CLIP1: variants seen among roughly 807,000 people sequenced by gnomAD.
CLIP1 encodes the protein CAP-Gly domain containing linker protein 1.
Under a neutral mutation model 161.6 loss-of-function variants are expected in CLIP1, and 66 were observed. The ratio of observed to expected loss-of-function variants is 0.41; its 90% CI spans 0.33 to 0.50. The LOEUF (loss-of-function observed/expected upper bound fraction) is 0.50, where lower values mean the gene tolerates loss of function less well. CLIP1 is among the 20% of genes least tolerant of loss of function. CLIP1 has a pLI of 0.27. For synonymous variants in CLIP1, 598 were observed against 626.2 expected, an observed-to-expected ratio of 0.96 and a Z score of 0.67; for missense variants, 1,376 against 1,702.0, an observed-to-expected ratio of 0.81 and a Z score of 3.37.
At chr12:122,308,957 A>T (rs1025376198) in intron 20 of CLIP1, among the ~76,000 whole-genome samples, 2 of 152,156 alleles carry the variant, frequency 1.3e-5, no homozygotes, top group Non-Finnish European at 2.9e-5. Context: ...GGGAAAAAAA[A>T]TTTTTTCCCC....
chr12:122,410,312 T>C (rs534075698), intron 1 of CLIP1, among the ~76,000 whole-genome samples: 3 of 152,300 alleles, frequency 2.0e-5, no homozygotes, highest in East Asian at 1.9e-4. Context: ...CTGCTAAATA[T>C]AGAAACTAAA....
At chr12:122,397,023 C>T (rs963300701) in intron 1 of CLIP1, among the ~76,000 whole-genome samples, 9 of 149,040 alleles carry the variant, frequency 6.0e-5, no homozygotes, top group Non-Finnish European at 8.9e-5. Context: ...AAGCGATCCA[C>T]CAACCTTGGC....
intron 1 of CLIP1, among the ~76,000 whole-genome samples, chr12:122,388,142 C>T (rs1955406606): frequency 6.6e-6 from 1 of 152,040 alleles, no homozygotes; most frequent in African/African-American, 2.4e-5. Context: ...TCAAAATGTA[C>T]AGAATCGGCA....
chr12:122,382,639 G>C (rs1955059971), intron 1 of CLIP1, among the ~76,000 whole-genome samples: 2 of 152,072 alleles, frequency 1.3e-5, no homozygotes, highest in Admixed American at 1.3e-4. Flanking sequence ...CCAGGAGGCA[G>C]AGGCTGCAGT....
chr12:122,276,167 G>A (rs950124135), intron 24 of CLIP1, among the ~76,000 whole-genome samples: 2 of 151,788 alleles, frequency 1.3e-5, no homozygotes, highest in Non-Finnish European at 2.9e-5. Context: ...GAAATATTTG[G>A]TCTTTTTCTC....
chr12:122,387,590 A>ATATTTT (rs1955380250), intron 1 of CLIP1, among the ~76,000 whole-genome samples: 5 of 6,262 alleles, frequency 8.0e-4, no homozygotes, highest in African/African-American at 1.4e-3. Flanking sequence ...ATATATATAT[A>ATATTTT]TTTTTTTTTT....
chr12:122,336,865 A>C, intron 11 of CLIP1, 117 bp from the exon 12 acceptor site: 2 of 451,312 alleles, frequency 4.4e-6, no homozygotes, highest in East Asian at 3.4e-5. Flanking sequence ...ACAAAACTGA[A>C]AGGAATACAA....
At chr12:122,412,060 CTTTTTTTT>C (rs71082989) in intron 1 of CLIP1, among the ~76,000 whole-genome samples, 2 of 81,598 alleles carry the variant, frequency 2.5e-5, no homozygotes, top group Non-Finnish European at 4.7e-5. Context: ...CAGTTATTTT[CTTTTTTTT>C]TTTTTTTTTT....
chr12:122,405,230 T>A (rs997367166), intron 1 of CLIP1, among the ~76,000 whole-genome samples: 1 of 148,788 alleles, frequency 6.7e-6, no homozygotes, highest in South Asian at 2.1e-4. Context: ...CACTGCTGCA[T>A]GGCTCCTGTT....
chr12:122,361,250 G>T (rs1243285132), intron 4 of CLIP1, 69 bp from the exon 5 acceptor site: 1 of 1,323,002 alleles, frequency 7.6e-7, no homozygotes, highest in Non-Finnish European at 1.1e-6. Context: ...ATAACCAAAA[G>T]GTTCTCCCAA....
At chr12:122,308,105 AG>A (rs1950938968) in intron 20 of CLIP1, among the ~76,000 whole-genome samples, 1 of 152,216 alleles carries the variant, frequency 6.6e-6, no homozygotes, top group Non-Finnish European at 1.5e-5. Flanking sequence ...TAGGATGGAG[AG>A]GAGCCCAAGT....
rs1955405313 is a variant in CLIP1, at chr12:122,388,109, C to T, written c.-106-7551G>A. Among the ~76,000 whole-genome samples, 3 of 152,130 alleles carry T rather than the reference C, an allele frequency of 2.0e-5. No individual in the cohort carries two copies. The South Asian group carries it at 6.2e-4, about 32-fold the overall frequency. On this transcript the variant is annotated intron_variant, in intron 1 of 25. Coordinates refer to ENST00000620786, the MANE Select transcript of CLIP1 (RefSeq NM_001247997.2). ...ATTTCTATAAAGCAGTCATCAGAAG[C>T]ACTGGTTCTACAGCAGAGGTTCTCA...
chr12:122,278,608 G>C, intron 23 of CLIP1, 184 bp downstream of exon 23: 1 of 603,384 alleles, frequency 1.7e-6, no homozygotes, highest in Non-Finnish European at 2.8e-6. Context: ...CAGACCACAA[G>C]AAGCCCCAGG....
intron 20 of CLIP1, among the ~76,000 whole-genome samples, chr12:122,298,261 G>A (rs1163678363): frequency 2.6e-5 from 4 of 152,144 alleles, no homozygotes; most frequent in Non-Finnish European, 4.4e-5. Context: ...AAGACCACAT[G>A]CCTTAGGACT....
chr12:122,341,450 T>C lies in CLIP1; in HGVS notation c.1754A>G (p.Gln585Arg). 1 of 1,613,652 alleles carries C rather than the reference T, an allele frequency of 6.2e-7. No individual in the cohort carries two copies. The highest frequency in any genetic ancestry group is 8.5e-7 in the Non-Finnish European group (1 of 1,179,638). Residue 585 changes from glutamine to arginine, a missense_variant, in exon 11 of 26, where the codon CAG becomes CGG. This residue lies in a region of CLIP1 where 948 missense variants were observed against 1,134.8 expected (regional missense o/e 0.84). Coordinates refer to ENST00000620786, the MANE Select transcript of CLIP1 (RefSeq NM_001247997.2). Reference protein sequence around the residue: ...EHFGAREETHQKEIKALYTAT... With the variant: ...EHFGAREETHRKEIKALYTAT... ...GGTATACAGAGCCTTTATCTCCTTC[T>C]GATGAGTTTCTTCCCGGGCTCCAAA... is the stretch of plus-strand genomic sequence containing the variant.
intron 21 of CLIP1, among the ~76,000 whole-genome samples, chr12:122,285,827 C>T (rs1387820430): frequency 1.3e-5 from 2 of 151,660 alleles, no homozygotes; most frequent in South Asian, 2.1e-4. Flanking sequence ...TATTTTTTCA[C>T]GTGTCCTTGA....
chr12:122,313,352 G>A (rs1451167831), intron 19 of CLIP1, among the ~76,000 whole-genome samples: 6 of 152,190 alleles, frequency 3.9e-5, no homozygotes, highest in Non-Finnish European at 7.3e-5. Context: ...TGGGGTTAGC[G>A]TGACAGCAGC....
chr12:122,288,190 G>A (rs1955935933), intron 21 of CLIP1, among the ~76,000 whole-genome samples: 1 of 152,028 alleles, frequency 6.6e-6, no homozygotes, highest in Non-Finnish European at 1.5e-5. Flanking sequence ...CTGCCACTAT[G>A]CCTGGCTAAT....
intron 15 of CLIP1, among the ~76,000 whole-genome samples, chr12:122,330,748 T>C (rs1197987768): frequency 6.7e-6 from 1 of 149,174 alleles, no homozygotes; most frequent in African/African-American, 2.5e-5. Context: ...TCCAGGCACC[T>C]GCCACCACGC....
Sources: gnomAD v4.1 joint callset for allele counts (sites outside exome capture counted in the v4.1 genomes callset) on GRCh38, gnomAD v4.1.1 for gene constraint, gnomAD v4.1.1 regional missense constraint, MANE v1.5 for transcripts, NCBI Gene and HGNC (gene_info 2026-07-23, HGNC 2026-07-21) for gene names.